Variants in DLGAP1 observed in about 807,000 individuals in gnomAD.
DLGAP1 encodes DLG associated protein 1.
A neutral mutation model predicts 90.8 loss-of-function variants in DLGAP1; 11 were observed. The observed-to-expected ratio is 0.12, with a 90% CI of 0.08 to 0.20. DLGAP1 has a LOEUF of 0.20. Ranked by LOEUF, DLGAP1 falls within the 10% of genes least tolerant of loss-of-function variation. The pLI is 1.00. For missense variants in DLGAP1, 1,050 were observed against 1,333.8 expected, an observed-to-expected ratio of 0.79 and a Z score of 3.31; for synonymous variants, 558 against 540.7, an observed-to-expected ratio of 1.03 and a Z score of -0.44.
chr18:4,040,553 A>G (rs1474566478), intron 2 of DLGAP1, among the ~76,000 whole-genome samples: 1 of 152,236 alleles, frequency 6.6e-6, no homozygotes, highest in Admixed American at 6.5e-5. Context: ...GGTAGAAACT[A>G]TGAAGTAAGT....
intron 9 of DLGAP1, among the ~76,000 whole-genome samples, chr18:3,564,665 C>T (rs1213829762): frequency 2.0e-5 from 3 of 152,104 alleles, no homozygotes; most frequent in Non-Finnish European, 2.9e-5. Context: ...GACTGGGTTT[C>T]CTTGGAGCTT....
chr18:4,239,670 C>T (rs533377127), intron 1 of DLGAP1, among the ~76,000 whole-genome samples: 2 of 152,282 alleles, frequency 1.3e-5, no homozygotes, highest in Admixed American at 6.5e-5. Context: ...TCTCAACACC[C>T]GTTTCCTCAA....
chr18:3,534,489 T>A lies in DLGAP1; in HGVS notation c.2184A>T (p.Arg728Ser). 4 of 1,614,234 alleles carry A rather than the reference T, an allele frequency of 2.5e-6. No individual in the cohort carries two copies. Among genetic ancestry groups the A allele is most frequent in the Non-Finnish European group, 3.4e-6 (4 of 1,180,030 alleles). Residue 728 changes from arginine (R) to serine (S), a missense_variant, in exon 10 of 13, where the codon AGA (arginine) becomes AGT (serine). Coordinates refer to ENST00000315677, the MANE Select transcript of DLGAP1 (RefSeq NM_004746.4). ...AGGTGCTGGCATCGCGGGAGAACTG[T>A]CTGGCCATGGGGCCAGGACACGAAT... is the stretch of plus-strand genomic sequence containing the variant. Reference protein sequence around the residue: ...EDNSCPGPMARQFSRDASTST... With the variant: ...EDNSCPGPMASQFSRDASTST...
At chr18:4,065,333 A>G (rs1412004304) in intron 2 of DLGAP1, among the ~76,000 whole-genome samples, 4 of 152,156 alleles carry the variant, frequency 2.6e-5, no homozygotes, top group African/African-American at 9.7e-5. Flanking sequence ...GAAATCAGGC[A>G]AGAGAGAGAA....
chr18:4,083,017 A>G (rs1344387587), intron 2 of DLGAP1, among the ~76,000 whole-genome samples: 2 of 152,254 alleles, frequency 1.3e-5, no homozygotes, highest in Non-Finnish European at 2.9e-5. Flanking sequence ...CTTCACTGCC[A>G]TGGCCGTTTC....
At chr18:3,872,553 T>C (rs1448142230) in intron 4 of DLGAP1, among the ~76,000 whole-genome samples, 3 of 152,308 alleles carry the variant, frequency 2.0e-5, no homozygotes, top group Middle Eastern at 3.4e-3. Flanking sequence ...ATTGTTGTCT[T>C]TGAACCTAAA....
At chr18:4,392,766 T>C (rs1224688292) in intron 1 of DLGAP1, among the ~76,000 whole-genome samples, 2 of 152,218 alleles carry the variant, frequency 1.3e-5, no homozygotes, top group East Asian at 1.9e-4. Flanking sequence ...AACTGTCTGC[T>C]TGGCATTTTC....
intron 4 of DLGAP1, among the ~76,000 whole-genome samples, chr18:3,815,944 G>A (rs2067084303): frequency 6.6e-6 from 1 of 152,128 alleles, no homozygotes; most frequent in African/African-American, 2.4e-5. Flanking sequence ...TAATGGTGAT[G>A]GGAAAGGAGG....
chr18:3,769,679 A>T (rs1598663278), intron 5 of DLGAP1, among the ~76,000 whole-genome samples: 1 of 152,114 alleles, frequency 6.6e-6, no homozygotes, highest in Admixed American at 6.5e-5. Context: ...CAGATTGGTG[A>T]TTGCGAGGGG....
chr18:4,247,551 G>T (rs183379642), intron 1 of DLGAP1, among the ~76,000 whole-genome samples: 3 of 152,066 alleles, frequency 2.0e-5, no homozygotes, highest in African/African-American at 7.2e-5. Flanking sequence ...CGAGCCGAGC[G>T]GATCACCTGA....
At chr18:4,421,362 C>T (rs2083024780) in intron 1 of DLGAP1, among the ~76,000 whole-genome samples, 1 of 152,110 alleles carries the variant, frequency 6.6e-6, no homozygotes, top group South Asian at 2.1e-4. Flanking sequence ...ACTTAAGGCC[C>T]ACACAGAGAA....
intron 9 of DLGAP1, among the ~76,000 whole-genome samples, chr18:3,539,783 G>C (rs1420769660): frequency 6.6e-6 from 1 of 152,150 alleles, no homozygotes; most frequent in Non-Finnish European, 1.5e-5. Context: ...GGAACTACAA[G>C]ACACTCAACT....
rs185549969 is a variant in DLGAP1 at position 3,808,755 on chromosome 18, G to A, written c.1172+5304C>T. The stretch of plus-strand genomic sequence containing the variant: ...GGTAGGTAGGAGGGGAGTGTATGAC[G>A]TGAGGAACAGGCAAGGACACAGCAT... On this transcript the variant is annotated intron_variant, in intron 5 of 12. Transcript: ENST00000315677. Among the ~76,000 whole-genome samples the A allele has an allele frequency of 2.7e-4, 41 of 152,106 alleles. 1 individual carries two copies. The highest frequency in any genetic ancestry group is 9.6e-4 in the African/African-American group (40 of 41,490).
chr18:4,180,648 A>G (rs1280647260), intron 1 of DLGAP1, among the ~76,000 whole-genome samples: 2 of 152,212 alleles, frequency 1.3e-5, no homozygotes, highest in African/African-American at 4.8e-5. Context: ...TATGCATACA[A>G]CTTTCACCCA....
intron 3 of DLGAP1, among the ~76,000 whole-genome samples, chr18:3,959,667 A>AGG (rs2073158160): frequency 3.3e-5 from 5 of 151,202 alleles, no homozygotes; most frequent in Non-Finnish European, 7.4e-5. Flanking sequence ...CTGTCTCAAA[A>AGG]AAAAAGAAAG....
intron 2 of DLGAP1, among the ~76,000 whole-genome samples, chr18:4,078,291 T>C (rs772667104): frequency 2.0e-5 from 3 of 152,140 alleles, no homozygotes; most frequent in Non-Finnish European, 4.4e-5. Flanking sequence ...CAGGACCACA[T>C]TGGAACAGCC....
Position 3,581,819 on chromosome 18 carries a change from G to A in DLGAP1, c.1965+56C>T, listed in dbSNP as rs2055538699. 1.0e-5 allele frequency: 16 copies of A among 1,587,298 alleles called. No homozygotes were observed. In the South Asian group the frequency reaches 1.8e-4, roughly 18 times the overall value. On this transcript the variant is annotated intron_variant, in intron 8 of 12. Transcript: ENST00000315677. ...CAAATCTTCCGGGGAAACAAAAAGTGTTACATTCCTTAGTTTTAAGTTCCT... is the reference window on the plus strand; with the variant it reads ...CAAATCTTCCGGGGAAACAAAAAGTATTACATTCCTTAGTTTTAAGTTCCT...
intron 3 of DLGAP1, among the ~76,000 whole-genome samples, chr18:3,966,479 G>A (rs540176480): frequency 6.6e-6 from 1 of 152,248 alleles, no homozygotes; most frequent in East Asian, 1.9e-4. Flanking sequence ...AATGAATTAT[G>A]AAGCTATTGC....
At chr18:3,814,361 A>AT (rs372490602) in intron 4 of DLGAP1, 88 bp from the exon 5 acceptor site, 201,405 of 871,930 alleles carry the variant, frequency 0.23, 3,353 homozygotes, top group Non-Finnish European at 0.25. Context: ...TAACATTTCT[A>AT]TTTTTTTTTT....
Sources: allele counts gnomAD v4.1 joint callset (sites outside exome capture counted in the v4.1 genomes callset), GRCh38; gene constraint gnomAD v4.1.1; transcripts MANE v1.5; gene names NCBI Gene and HGNC (gene_info 2026-07-23, HGNC 2026-07-21).